Variants in MACROD2 observed in about 807,000 individuals in gnomAD.
The protein encoded by MACROD2 is mono-ADP ribosylhydrolase 2.
A neutral mutation model predicts 70.4 loss-of-function variants in MACROD2; 36 were observed. The observed-to-expected ratio is 0.51, with a 90% CI of 0.39 to 0.68. The LOEUF (loss-of-function observed/expected upper bound fraction) is 0.68, where lower values mean the gene tolerates loss of function less well. MACROD2 is among the 30% of genes least tolerant of loss of function. MACROD2 has a pLI of 0.00. For synonymous variants in MACROD2, 172 were observed against 178.8 expected, an observed-to-expected ratio of 0.96 and a Z score of 0.30; for missense variants, 496 against 538.4, an observed-to-expected ratio of 0.92 and a Z score of 0.78.
chr20:14,572,840 T>A (rs1350632291), intron 4 of MACROD2, among the ~76,000 whole-genome samples: 1 of 150,876 alleles, frequency 6.6e-6, no homozygotes, highest in African/African-American at 2.4e-5. Flanking sequence ...TATATAATAC[T>A]CCAATAAAAT....
chr20:14,092,194 A>T (rs563911530), intron 3 of MACROD2, among the ~76,000 whole-genome samples: 1 of 151,782 alleles, frequency 6.6e-6, no homozygotes, highest in Non-Finnish European at 1.5e-5. Flanking sequence ...TTATTTTTAA[A>T]TTTTTTTCTC....
At chr20:15,295,951 G>A (rs2077583859) in intron 6 of MACROD2, among the ~76,000 whole-genome samples, 1 of 152,092 alleles carries the variant, frequency 6.6e-6, no homozygotes. Context: ...TATCAATACT[G>A]CATGTAGCCC....
At chr20:15,756,887 C>T (rs1280925826) in intron 8 of MACROD2, among the ~76,000 whole-genome samples, 1 of 152,158 alleles carries the variant, frequency 6.6e-6, no homozygotes, top group African/African-American at 2.4e-5. Context: ...CATCTCAGAT[C>T]GTTGTTACCA....
chr20:14,256,679 G>A (rs934446995), intron 3 of MACROD2, among the ~76,000 whole-genome samples: 8 of 152,082 alleles, frequency 5.3e-5, no homozygotes, highest in African/African-American at 1.9e-4. Context: ...CTAATGGAAA[G>A]TTTCTTGTGT....
At chr20:14,126,157 G>C (rs1206253618) in intron 3 of MACROD2, among the ~76,000 whole-genome samples, 1 of 152,164 alleles carries the variant, frequency 6.6e-6, no homozygotes, top group East Asian at 1.9e-4. Context: ...CAGTTCTGAA[G>C]GGTGGCAGTC....
At chr20:15,328,341 T>G (rs568086433) in intron 6 of MACROD2, among the ~76,000 whole-genome samples, 6 of 152,136 alleles carry the variant, frequency 3.9e-5, no homozygotes, top group African/African-American at 4.8e-5. Flanking sequence ...CATCTGATCA[T>G]GTAAGTCCAT....
chr20:15,294,050 G>A (rs2077564294), intron 6 of MACROD2, among the ~76,000 whole-genome samples: 1 of 151,448 alleles, frequency 6.6e-6, no homozygotes, highest in Non-Finnish European at 1.5e-5. Context: ...GAACACAGGA[G>A]GTGGAGGTTG....
intron 8 of MACROD2, among the ~76,000 whole-genome samples, chr20:15,789,049 T>C (rs2051977557): frequency 6.6e-6 from 1 of 152,228 alleles, no homozygotes; most frequent in Admixed American, 6.5e-5. Flanking sequence ...ATGAGCAACT[T>C]TGCATTTTAG....
At chr20:15,274,190 T>C (rs1447796345) in intron 6 of MACROD2, among the ~76,000 whole-genome samples, 1 of 152,170 alleles carries the variant, frequency 6.6e-6, no homozygotes, top group Admixed American at 6.5e-5. Flanking sequence ...GAAACTAAGA[T>C]AAGACTGGAA....
At chr20:14,679,090 A>C (rs2070898042) in intron 4 of MACROD2, among the ~76,000 whole-genome samples, 1 of 152,164 alleles carries the variant, frequency 6.6e-6, no homozygotes, top group Non-Finnish European at 1.5e-5. Flanking sequence ...TCTTCAAGAA[A>C]CTGAGAGTAA....
At chr20:15,529,796 A>G (rs2047772788) in intron 8 of MACROD2, among the ~76,000 whole-genome samples, 1 of 152,206 alleles carries the variant, frequency 6.6e-6, no homozygotes, top group Non-Finnish European at 1.5e-5. Context: ...TTGACATTTA[A>G]CAAATTAAAG....
chr20:15,363,240 A>T (rs112093997), intron 6 of MACROD2, among the ~76,000 whole-genome samples: 25 of 152,310 alleles, frequency 1.6e-4, no homozygotes, highest in African/African-American at 5.5e-4. Context: ...CTTAGTGGTG[A>T]CACATGAAAT....
intron 5 of MACROD2, among the ~76,000 whole-genome samples, chr20:15,186,776 C>A (rs910091001): frequency 1.3e-5 from 2 of 152,082 alleles, no homozygotes; most frequent in Non-Finnish European, 2.9e-5. Context: ...TGAAACTTGG[C>A]CTCCCATGGA....
At chr20:15,657,377 C>G (rs943074949) in intron 8 of MACROD2, among the ~76,000 whole-genome samples, 16 of 152,092 alleles carry the variant, frequency 1.1e-4, no homozygotes, top group African/African-American at 3.9e-4. Context: ...CCTGTTGTTG[C>G]TGGTATGGGG....
Position 15,646,740 on chromosome 20 carries a change from A to C in MACROD2, c.645+146893A>C, listed in dbSNP as rs1378242818. ...AGGGGCTCTTCTCCCTTCGATTGGC[A>C]CTTCTCTTTCCTGCAGCCTTGTGAA... On this transcript the variant is annotated intron_variant, in intron 8 of 17. Coordinates refer to ENST00000684519, the MANE Select transcript of MACROD2 (RefSeq NM_001351661.2). Among the ~76,000 whole-genome samples, 4 of 152,078 alleles carry C rather than the reference A, an allele frequency of 2.6e-5. No individual in the cohort carries two copies. The East Asian group carries it at 7.7e-4, about 29-fold the overall frequency.
intron 8 of MACROD2, among the ~76,000 whole-genome samples, chr20:15,672,094 T>C (rs1259869673): frequency 6.6e-6 from 1 of 152,112 alleles, no homozygotes. Flanking sequence ...CAAAAGGAAA[T>C]AGTAAGGTTT....
chr20:14,875,778 C>T (rs1396287754), intron 5 of MACROD2, among the ~76,000 whole-genome samples: 1 of 152,072 alleles, frequency 6.6e-6, no homozygotes, highest in African/African-American at 2.4e-5. Flanking sequence ...AGGATAATGA[C>T]CTCTAGTTGC....
At chr20:14,805,580 G>A (rs2072628862) in intron 5 of MACROD2, among the ~76,000 whole-genome samples, 1 of 152,014 alleles carries the variant, frequency 6.6e-6, no homozygotes. Flanking sequence ...AGCTCTGAAA[G>A]GTTAAAGAAT....
chr20:14,322,200 A>ATATATATATATATATATATATATATATT (rs1318380598), intron 3 of MACROD2, among the ~76,000 whole-genome samples: 1 of 133,184 alleles, frequency 7.5e-6, no homozygotes, highest in Non-Finnish European at 1.6e-5. Context: ...ATATATATAT[A>ATATATATATATATATATATATATATATT]TTTTGTATTT....
Sources: allele counts gnomAD v4.1 joint callset (sites outside exome capture counted in the v4.1 genomes callset), GRCh38; gene constraint gnomAD v4.1.1; transcripts MANE v1.5; gene names NCBI Gene and HGNC (gene_info 2026-07-23, HGNC 2026-07-21).